The following NEK8 variants were observed in gnomAD, a reference collection of about 807,000 sequenced individuals.
The protein encoded by NEK8 is NIMA related kinase 8, also known as serine/threonine-protein kinase Nek8.
A neutral mutation model predicts 77.2 loss-of-function variants in NEK8; 51 were observed. The observed-to-expected ratio is 0.66, with a 90% CI of 0.53 to 0.83. The LOEUF (loss-of-function observed/expected upper bound fraction) is 0.83. NEK8 is among the 40% of genes least tolerant of loss of function. The pLI, the probability that NEK8 is intolerant of heterozygous loss-of-function variation, is 0.00. For missense variants in NEK8, 787 were observed against 909.2 expected, an observed-to-expected ratio of 0.87 and a Z score of 1.73; for synonymous variants, 365 against 363.2, an observed-to-expected ratio of 1.00 and a Z score of -0.06.
chr17:28,733,898 A>T, intron 1 of NEK8, 85 bp from the exon 2 acceptor site: 1 of 1,109,152 alleles, frequency 9.0e-7, no homozygotes, highest in Non-Finnish European at 1.4e-6. Context: ...CTTCCAAGAG[A>T]CATCAGTCAC....
chr17:28,735,067 G>A lies in NEK8; in HGVS notation c.486+63G>A. The A allele has an allele frequency of 2.0e-6, 3 of 1,509,180 alleles. No individual in the cohort carries two copies. In the South Asian group the frequency reaches 3.4e-5, roughly 17 times the overall value. The allele number at this position is 1,509,180 out of a possible 1,614,324, so 93.5% of individuals were successfully genotyped here. On this transcript the variant is annotated intron_variant, in intron 3 of 14. Transcript: ENST00000268766. The stretch of plus-strand genomic sequence containing the variant: ...GTCTTGAGGGCCAGGACCTAACCCT[G>A]CCTCCTCCCCTCCCCCTAAAAAACC...
At position 28,741,308 on chromosome 17, in the gene NEK8, C is replaced by A. The variant is rs1284436617; in HGVS notation, c.1891+72C>A. ...GGGTGGGGGTTGCTATTCAGGGCCA[C>A]TGGACTCTGGAGCCTCCCAGGGGCC... is the stretch of plus-strand genomic sequence containing the variant. On this transcript the variant is annotated intron_variant, in intron 13 of 14. Coordinates refer to ENST00000268766, the MANE Select transcript of NEK8 (RefSeq NM_178170.3). This position sits in a 1 kb window ranked among gnomAD's most constrained non-coding sequence, Gnocchi z 4.5. 6.3e-7 allele frequency: 1 copy of A among 1,596,010 alleles called. No individual in the cohort carries two copies. The highest frequency in any genetic ancestry group is 8.5e-7 in the Non-Finnish European group (1 of 1,169,836).
At chr17:28,739,312 A>T in intron 10 of NEK8, 111 bp downstream of exon 10, 1 of 807,450 alleles carries the variant, frequency 1.2e-6, no homozygotes, top group Non-Finnish European at 2.2e-6. Context: ...TTTTCTCTCA[A>T]ATTCTCTTCA....
chr17:28,739,212 GCCTTTAGGC>G lies in NEK8; in HGVS notation c.1417+14_1417+22del. Reference sequence around the variant, plus strand: ...GCCGTGGAGACAGCGGTAAGCTCCAGCCTTTAGGCCCCATCTCACAGCATCCTCAGCCAT... The same window carrying G: ...GCCGTGGAGACAGCGGTAAGCTCCAGCCCATCTCACAGCATCCTCAGCCAT... On this transcript the variant is annotated intron_variant, in intron 10 of 14. Coordinates refer to ENST00000268766, the MANE Select transcript of NEK8 (RefSeq NM_178170.3). 6.4e-7 allele frequency: 1 copy of G among 1,574,384 alleles called. No individual in the cohort carries two copies. The highest frequency in any genetic ancestry group is 8.7e-7 in the Non-Finnish European group (1 of 1,143,722).
chr17:28,740,525 G>C lies in NEK8; in HGVS notation c.1480G>C (p.Gly494Arg), dbSNP rs747957351. Residue 494 changes from glycine (G) to arginine (R), a missense_variant, in exon 11 of 15, where the codon GGA (glycine) becomes CGA (arginine). This residue lies in a region of NEK8 where 516 missense variants were observed against 544.0 expected (regional missense o/e 0.95). Transcript: ENST00000268766. The surrounding 1 kb of genome is among the most constrained non-coding windows in gnomAD (Gnocchi z 4.7). ...CCCCCAGCAGGTGCCCATGCCCCCA[G>C]GACAGGAAGCTCAGCGAGTTGTATG... ...SCPQQVPMPPGQEAQRVVCGI... is the reference protein window; with the variant it reads ...SCPQQVPMPPRQEAQRVVCGI... The C allele has an allele frequency of 6.2e-7, 1 of 1,614,154 alleles. No homozygotes were observed. The highest frequency in any genetic ancestry group is 1.7e-5 in the Admixed American group (1 of 60,028).
At chr17:28,733,716 G>A (rs556619859) in intron 1 of NEK8, among the ~76,000 whole-genome samples, 1 of 152,262 alleles carries the variant, frequency 6.6e-6, no homozygotes, top group East Asian at 1.9e-4. Context: ...AGTAAGAGGA[G>A]GCACCCAGAT....
intron 9 of NEK8, 78 bp downstream of exon 9, chr17:28,738,825 G>T: frequency 8.4e-7 from 1 of 1,183,524 alleles, no homozygotes. Flanking sequence ...ACACCAGATT[G>T]GGGGCAGGGG....
Position 28,737,897 on chromosome 17 carries a change from C to A in NEK8, c.968C>A (p.Thr323Asn), listed in dbSNP as rs371295223. Reference sequence around the variant, plus strand: ...TATGCCTGGGGTGGTGGGCTGGGCACCCCCCTGCGGCTGCCAATGCTCAAC... The same window carrying A: ...TATGCCTGGGGTGGTGGGCTGGGCAACCCCCTGCGGCTGCCAATGCTCAAC... ...SVYAWGGGLG[T>N]PLRLPMLNTE... The change falls in exon 7 of 15, where the codon ACC becomes AAC. Residue 323 changes from threonine (T) to asparagine (N), a missense_variant. Coordinates refer to ENST00000268766, the MANE Select transcript of NEK8 (RefSeq NM_178170.3). The surrounding 1 kb of genome is among the most constrained non-coding windows in gnomAD (Gnocchi z 4.8). 1.2e-6 allele frequency: 2 copies of A among 1,613,604 alleles called. No individual in the cohort carries two copies. The highest frequency in any genetic ancestry group is 3.3e-5 in the Admixed American group (2 of 60,034).
Position 28,741,444 on chromosome 17 carries a change from G to T in NEK8, c.1923G>T (p.Ala641=). The stretch of plus-strand genomic sequence containing the variant: ...AAGTGTACTCTTGGGGCAAAGGGGC[G>T]CGAGGTCGATTGGGAAGGAGGGATG... ...ESEVYSWGKG[A]RGRLGRRDED... is the part of the protein sequence containing the mutation. The change falls in exon 14 of 15, where the codon GCG becomes GCT. Residue 641 remains alanine, a synonymous_variant. Coordinates refer to ENST00000268766, the MANE Select transcript of NEK8 (RefSeq NM_178170.3). The surrounding 1 kb of genome is among the most constrained non-coding windows in gnomAD (Gnocchi z 4.5). The T allele has an allele frequency of 1.9e-6, 3 of 1,614,162 alleles. No homozygotes were observed. The highest frequency in any genetic ancestry group is 8.5e-7 in the Non-Finnish European group (1 of 1,180,020).
In NEK8 at chr17:28,737,130, ATC is replaced by A. The variant is rs2034372486; in HGVS notation, c.619-172_619-171del. 6.6e-6 allele frequency among the ~76,000 whole-genome samples: 1 copy of A among 152,156 alleles called. No homozygotes were observed. Among genetic ancestry groups the A allele is most frequent in the African/African-American group, 2.4e-5 (1 of 41,414 alleles). Reference sequence around the variant, plus strand: ...GCTCTGTTCTGTTCCATTGGTCTATATCTCTGTTTTGGTACCAGTACCATGCT... The same window carrying A: ...GCTCTGTTCTGTTCCATTGGTCTATATCTGTTTTGGTACCAGTACCATGCT... On this transcript the variant is annotated intron_variant, in intron 4 of 14. Coordinates refer to ENST00000268766, the MANE Select transcript of NEK8 (RefSeq NM_178170.3). The surrounding 1 kb of genome is among the most constrained non-coding windows in gnomAD (Gnocchi z 4.8).
At chr17:28,739,917 G>T (rs1237796482) in intron 10 of NEK8, among the ~76,000 whole-genome samples, 2 of 152,208 alleles carry the variant, frequency 1.3e-5, no homozygotes, top group South Asian at 2.1e-4. Context: ...CTACACCCCA[G>T]TGCAGAGGCG....
At chr17:28,735,734 C>G (rs1038852423) in intron 4 of NEK8, among the ~76,000 whole-genome samples, 1 of 152,018 alleles carries the variant, frequency 6.6e-6, no homozygotes, top group Non-Finnish European at 1.5e-5. Context: ...GTCTCCTCAT[C>G]AGACTGAAGT....
Position 28,737,946 on chromosome 17 carries a change from T to C in NEK8, c.1017T>C (p.Ala339=), listed in dbSNP as rs776765761. Residue 339 remains alanine, a synonymous_variant, in exon 7 of 15, where the codon GCT becomes GCC. Transcript: ENST00000268766. The surrounding 1 kb of genome is among the most constrained non-coding windows in gnomAD (Gnocchi z 4.8). The part of the protein sequence containing the change: ...MLNTEVVQVA[A]GRTQKAGVTR... ...ACACAGAGGTGGTCCAGGTGGCAGC[T>C]GGGCGCACGCAGAAAGCCGGCGTCA... The C allele has an allele frequency of 6.2e-7, 1 of 1,612,914 alleles. No homozygotes were observed. The highest frequency in any genetic ancestry group is 1.7e-5 in the Admixed American group (1 of 59,994).
At chr17:28,730,203 C>T (rs1211042662) in intron 1 of NEK8, among the ~76,000 whole-genome samples, 3 of 151,828 alleles carry the variant, frequency 2.0e-5, no homozygotes, top group African/African-American at 7.3e-5. Context: ...CTCCGCCTCC[C>T]GGGTTCACGC....
chr17:28,738,791 C>A, intron 9 of NEK8, 44 bp downstream of exon 9: 1 of 1,461,926 alleles, frequency 6.8e-7, no homozygotes, highest in Non-Finnish European at 9.6e-7. Context: ...CGGGGGATGG[C>A]GGGGAGCCCA....
In NEK8 at chr17:28,737,077, T is replaced by C. The variant is rs2034372006; in HGVS notation, c.619-229T>C. On this transcript the variant is annotated intron_variant, in intron 4 of 14. Coordinates refer to ENST00000268766, the MANE Select transcript of NEK8 (RefSeq NM_178170.3). The surrounding 1 kb of genome is among the most constrained non-coding windows in gnomAD (Gnocchi z 4.8). ...CTCAGGTTTGTCAAAGATCAGATAG[T>C]TGTAGATGTGTGGCATTATTTCTGA... Among the ~76,000 whole-genome samples, 1 of 152,262 alleles carries C rather than the reference T, an allele frequency of 6.6e-6. No individual in the cohort carries two copies. Among genetic ancestry groups the C allele is most frequent in the Non-Finnish European group, 1.5e-5 (1 of 68,050 alleles).
At chr17:28,739,298 C>A in intron 10 of NEK8, 97 bp downstream of exon 10, 1 of 835,238 alleles carries the variant, frequency 1.2e-6, no homozygotes, top group Non-Finnish European at 2.1e-6. Flanking sequence ...TTCTCTCTTC[C>A]CTCTTTTCTC....
At position 28,738,683 on chromosome 17, in the gene NEK8, TC is replaced by T. The variant is rs746216630; in HGVS notation, c.1236del (p.Met413Ter). 1 of 1,614,144 alleles carries T rather than the reference TC, an allele frequency of 6.2e-7. No individual in the cohort carries two copies. The highest frequency in any genetic ancestry group is 2.2e-5 in the East Asian group (1 of 44,890). ...CCCTTCTCCCCAGACAGAGGCATCA[TC>T]ATGACATTCGGCAGCGGCAGCAATG... ...FTACLTDRGI[I>X]MTFGSGSNGC... On this transcript the variant is annotated frameshift_variant, in exon 9 of 15. Transcript: ENST00000268766. LOFTEE classifies it high-confidence loss of function.
In NEK8 at chr17:28,741,096, CT is replaced by C. The variant is rs773211410; in HGVS notation, c.1755del (p.Phe585LeufsTer34). 6.2e-7 allele frequency: 1 copy of C among 1,614,226 alleles called. No homozygotes were observed. Among genetic ancestry groups the C allele is most frequent in the South Asian group, 1.1e-5 (1 of 91,088 alleles). On this transcript the variant is annotated frameshift_variant, in exon 13 of 15. Coordinates refer to ENST00000268766, the MANE Select transcript of NEK8 (RefSeq NM_178170.3). LOFTEE classifies it high-confidence loss of function. This position sits in a 1 kb window ranked among gnomAD's most constrained non-coding sequence, Gnocchi z 4.5. The part of the protein sequence containing the change: ...AAVTASGDCY[T>X]FGSNQHGQLG... ...CCCATAGCCTCGGGTGATTGCTACA[CT>C]TTTGGCAGCAATCAGCACGGACAGT...
Sources: gnomAD v4.1 joint callset for allele counts (sites outside exome capture counted in the v4.1 genomes callset) on GRCh38, gnomAD v4.1.1 for gene constraint, gnomAD v4.1.1 regional missense constraint, Gnocchi (gnomAD v3.1) non-coding constraint, MANE v1.5 for transcripts, NCBI Gene and HGNC (gene_info 2026-07-23, HGNC 2026-07-21) for gene names.